GRIA1: variants seen among roughly 807,000 people sequenced by gnomAD.
GRIA1 encodes glutamate receptor 1.
GRIA1 carries 31 observed loss-of-function variants against 99.2 expected under a neutral mutation model. The observed-to-expected ratio is 0.31, with a 90% confidence interval of 0.23 to 0.42. GRIA1 has a LOEUF of 0.42. Among genes scored for constraint, GRIA1 ranks in the 10% least tolerant of loss-of-function variants. The pLI is 1.00. For missense variants in GRIA1, 782 were observed against 1,157.5 expected, an observed-to-expected ratio of 0.68 and a Z score of 4.71; for synonymous variants, 438 against 432.4, an observed-to-expected ratio of 1.01 and a Z score of -0.16.
At chr5:153,643,388 A>G (rs903924082) in intron 2 of GRIA1, among the ~76,000 whole-genome samples, 1 of 152,216 alleles carries the variant, frequency 6.6e-6, no homozygotes, top group African/African-American at 2.4e-5. Context: ...TCTGACAGCT[A>G]GCCTAGTACT....
intron 2 of GRIA1, among the ~76,000 whole-genome samples, chr5:153,560,670 A>G (rs947924024): frequency 1.3e-5 from 2 of 152,154 alleles, no homozygotes; most frequent in Non-Finnish European, 2.9e-5. Flanking sequence ...CTGTGAGTCT[A>G]TTTAACCTCT....
rs140241918 is a variant in GRIA1 at position 153,541,975 on chromosome 5, G to A, written c.220+47910G>A. ...AAACAAGAAAAGTGTTGCCAGGTAT[G>A]GGGCACATACCTAGAACTGTGGCCA... On this transcript the variant is annotated intron_variant, in intron 2 of 15. Coordinates refer to ENST00000285900, the MANE Select transcript of GRIA1 (RefSeq NM_000827.4). 4.7e-4 allele frequency among the ~76,000 whole-genome samples: 70 copies of A among 149,744 alleles called. 1 individual carries two copies. In the East Asian group the frequency reaches 0.013, roughly 27 times the overall value.
chr5:153,689,948 G>A (rs1757626012), intron 8 of GRIA1, among the ~76,000 whole-genome samples: 1 of 152,196 alleles, frequency 6.6e-6, no homozygotes, highest in Admixed American at 6.5e-5. Flanking sequence ...AGACTGTTGG[G>A]AGGCTTTTTA....
intron 2 of GRIA1, among the ~76,000 whole-genome samples, chr5:153,541,530 G>A (rs1445629030): frequency 6.6e-6 from 1 of 152,102 alleles, no homozygotes; most frequent in Non-Finnish European, 1.5e-5. Context: ...ACATGATGCA[G>A]GTATTAACTC....
At chr5:153,761,363 T>C (rs560983723) in intron 11 of GRIA1, among the ~76,000 whole-genome samples, 2 of 152,226 alleles carry the variant, frequency 1.3e-5, no homozygotes, top group South Asian at 4.1e-4. Context: ...AAAACCTGCA[T>C]AGACTTTTCT....
chr5:153,571,416 C>T (rs1762106912), intron 2 of GRIA1, among the ~76,000 whole-genome samples: 1 of 152,130 alleles, frequency 6.6e-6, no homozygotes, highest in African/African-American at 2.4e-5. Context: ...TGCCATGTAG[C>T]TTGAAAGCAG....
chr5:153,523,588 T>C (rs890617480), intron 2 of GRIA1, among the ~76,000 whole-genome samples: 3 of 152,154 alleles, frequency 2.0e-5, no homozygotes, highest in Non-Finnish European at 4.4e-5. Flanking sequence ...CATATTGATC[T>C]AAATTTCAGG....
At chr5:153,742,025 C>T (rs1479846127) in intron 11 of GRIA1, among the ~76,000 whole-genome samples, 1 of 151,408 alleles carries the variant, frequency 6.6e-6, no homozygotes, top group Non-Finnish European at 1.5e-5. Context: ...CACTGCATAG[C>T]ATATCACAGC....
intron 2 of GRIA1, among the ~76,000 whole-genome samples, chr5:153,536,851 T>C (rs1758618696): frequency 6.6e-6 from 1 of 152,226 alleles, no homozygotes; most frequent in African/African-American, 2.4e-5. Flanking sequence ...CCATCAGTAT[T>C]GCCAGTGCCT....
In GRIA1 at chr5:153,743,302, C is replaced by T. The variant is rs151302456; in HGVS notation, c.1824-21132C>T. 5.8e-4 allele frequency among the ~76,000 whole-genome samples: 88 copies of T among 152,266 alleles called. 1 individual carries two copies. In the Middle Eastern group the frequency reaches 0.02, roughly 35 times the overall value. ...TGAATAACCACAAACTTAGTAGCTT[C>T]GACAACACCCATATATTACCTCATG... is the stretch of plus-strand genomic sequence containing the variant. On this transcript the variant is annotated intron_variant, in intron 11 of 15. Coordinates refer to ENST00000285900, the MANE Select transcript of GRIA1 (RefSeq NM_000827.4).
intron 2 of GRIA1, among the ~76,000 whole-genome samples, chr5:153,579,617 A>G (rs748660824): frequency 1.3e-5 from 2 of 152,220 alleles, no homozygotes; most frequent in African/African-American, 2.4e-5. Flanking sequence ...ATATATACTC[A>G]TGGGTATGTA....
intron 11 of GRIA1, chr5:153,755,806 G>T (rs1384281696): frequency 6.6e-6 from 1 of 152,230 alleles, no homozygotes; most frequent in Non-Finnish European, 1.5e-5. Context: ...TGAGATTCAG[G>T]TAGGAGATTA....
chr5:153,627,108 T>C (rs1022256276), intron 2 of GRIA1, among the ~76,000 whole-genome samples: 1 of 152,250 alleles, frequency 6.6e-6, no homozygotes, highest in African/African-American at 2.4e-5. Flanking sequence ...AATTTTCCAC[T>C]GCATGTTGCT....
At chr5:153,680,449 A>G (rs1204122184) in intron 7 of GRIA1, among the ~76,000 whole-genome samples, 1 of 152,130 alleles carries the variant, frequency 6.6e-6, no homozygotes, top group Non-Finnish European at 1.5e-5. Flanking sequence ...GGTAATAGGC[A>G]TTTGAGAATA....
intron 2 of GRIA1, among the ~76,000 whole-genome samples, chr5:153,643,675 A>G (rs1051409629): frequency 1.3e-5 from 2 of 152,054 alleles, no homozygotes; most frequent in African/African-American, 4.8e-5. Flanking sequence ...GGTTCACTCA[A>G]GTAAATCCAG....
intron 7 of GRIA1, among the ~76,000 whole-genome samples, chr5:153,683,313 G>A (rs927932444): frequency 1.3e-5 from 2 of 152,154 alleles, no homozygotes; most frequent in African/African-American, 4.8e-5. Flanking sequence ...CGCATTCTCT[G>A]ATACTTTGTT....
rs1766944228 is a variant in GRIA1, at chr5:153,813,224, T to A, written c.*1999T>A. 1 of 152,274 alleles carries A rather than the reference T, an allele frequency of 6.6e-6. No individual in the cohort carries two copies. Among genetic ancestry groups the A allele is most frequent in the Non-Finnish European group, 1.5e-5 (1 of 68,080 alleles). 9.4% of individuals were successfully genotyped at this position (152,274 alleles called of 1,614,324 possible). A position where few individuals can be genotyped will look rare whatever the true frequency, so the allele number is the denominator to read the frequency against. On this transcript the variant is annotated 3_prime_UTR_variant, in exon 16 of 16. Transcript: ENST00000285900. The stretch of plus-strand genomic sequence containing the variant: ...CTTTTAACTACTGCCAGCTGATGTC[T>A]CTCAGCCCCTGCCCTCATACAAGAT...
intron 8 of GRIA1, among the ~76,000 whole-genome samples, chr5:153,696,478 C>A (rs1056390508): frequency 2.6e-5 from 4 of 152,126 alleles, no homozygotes; most frequent in Non-Finnish European, 5.9e-5. Flanking sequence ...ACAGGCCAGA[C>A]GAAATGGCAT....
chr5:153,746,070 C>CA (rs1203786014), intron 11 of GRIA1, among the ~76,000 whole-genome samples: 15 of 152,254 alleles, frequency 9.9e-5, no homozygotes, highest in Non-Finnish European at 2.2e-4. Flanking sequence ...ATGACTTGCC[C>CA]AAAATCACAC....
Sources: allele counts gnomAD v4.1 joint callset (sites outside exome capture counted in the v4.1 genomes callset), GRCh38; gene constraint gnomAD v4.1.1; transcripts MANE v1.5; gene names NCBI Gene and HGNC (gene_info 2026-07-23, HGNC 2026-07-21).